Variants in OSBPL1A observed in about 807,000 individuals in gnomAD.
The protein encoded by OSBPL1A is oxysterol binding protein like 1A.
OSBPL1A carries 80 observed loss-of-function variants against 137.1 expected under a neutral mutation model. That is an observed-to-expected ratio of 0.58 (90% CI 0.49 to 0.70). The LOEUF (loss-of-function observed/expected upper bound fraction) is 0.70. OSBPL1A is among the 30% of genes least tolerant of loss of function. The pLI is 0.00. For missense variants in OSBPL1A, 970 were observed against 1,129.4 expected, an observed-to-expected ratio of 0.86 and a Z score of 2.02; for synonymous variants, 365 against 389.7, an observed-to-expected ratio of 0.94 and a Z score of 0.75.
chr18:24,240,446 C>T (rs2088656698), intron 15 of OSBPL1A, among the ~76,000 whole-genome samples: 2 of 152,144 alleles, frequency 1.3e-5, no homozygotes, highest in South Asian at 4.1e-4. Context: ...TATAAAATAG[C>T]ATGTACTGGA....
rs2091711345 is a variant in OSBPL1A, at chr18:24,366,945, A to G, written c.229T>C (p.Leu77=). The G allele has an allele frequency of 6.2e-7, 1 of 1,612,824 alleles. No homozygotes were observed. The highest frequency in any genetic ancestry group is 8.5e-7 in the Non-Finnish European group (1 of 1,179,398). The change falls in exon 4 of 28, where the codon TTG becomes CTG. Residue 77 remains leucine (L), a synonymous_variant. Transcript: ENST00000319481. ...LLKAGAEVNV[L]NDMGDTPLHR... ...AGCGGCGTGTCTCCCATGTCATTCAACACATTCACTTCTGCACCAGCCTAG... is the reference window on the plus strand; with the variant it reads ...AGCGGCGTGTCTCCCATGTCATTCAGCACATTCACTTCTGCACCAGCCTAG...
At chr18:24,192,545 A>G (rs997847151) in intron 18 of OSBPL1A, among the ~76,000 whole-genome samples, 6 of 152,230 alleles carry the variant, frequency 3.9e-5, no homozygotes, top group African/African-American at 1.4e-4. Flanking sequence ...ATCCTGCTCA[A>G]AACAGACTGG....
chr18:24,339,681 T>TGAGGTA (rs2146152486), intron 5 of OSBPL1A, among the ~76,000 whole-genome samples: 1 of 152,358 alleles, frequency 6.6e-6, no homozygotes, highest in Non-Finnish European at 1.5e-5. Context: ...AGACAGTACC[T>TGAGGTA]CATCCTCCCT....
chr18:24,308,014 G>A (rs1189497525), intron 13 of OSBPL1A, among the ~76,000 whole-genome samples: 1 of 151,966 alleles, frequency 6.6e-6, no homozygotes. Context: ...TCGAACTCCT[G>A]GCCTCATGTG....
intron 15 of OSBPL1A, among the ~76,000 whole-genome samples, chr18:24,261,901 C>T (rs2089453222): frequency 6.6e-6 from 1 of 152,132 alleles, no homozygotes; most frequent in South Asian, 2.1e-4. Flanking sequence ...AAGAAAAATA[C>T]TCACTCTGAT....
intron 1 of OSBPL1A, among the ~76,000 whole-genome samples, chr18:24,394,570 C>A (rs1345219702): frequency 6.6e-6 from 1 of 152,114 alleles, no homozygotes; most frequent in Non-Finnish European, 1.5e-5. Context: ...TAATAAAAAT[C>A]CTAGCAAGGA....
intron 1 of OSBPL1A, among the ~76,000 whole-genome samples, chr18:24,392,471 A>G (rs1262427794): frequency 6.6e-6 from 1 of 152,144 alleles, no homozygotes; most frequent in South Asian, 2.1e-4. Context: ...ATACTCTAAT[A>G]AAGACAAAGG....
At chr18:24,289,424 T>TG (rs2090135275) in intron 14 of OSBPL1A, among the ~76,000 whole-genome samples, 1 of 143,638 alleles carries the variant, frequency 7.0e-6, no homozygotes, top group Admixed American at 6.9e-5. Flanking sequence ...TCCTGTTTTT[T>TG]TTTTTTTTTT....
chr18:24,229,451 C>T (rs1376030837), intron 16 of OSBPL1A, among the ~76,000 whole-genome samples: 1 of 152,192 alleles, frequency 6.6e-6, no homozygotes, highest in African/African-American at 2.4e-5. Flanking sequence ...GGAATGTATA[C>T]TGTGTGAAAT....
chr18:24,241,599 T>C (rs544883959), intron 15 of OSBPL1A, among the ~76,000 whole-genome samples: 22 of 152,314 alleles, frequency 1.4e-4, no homozygotes, highest in Admixed American at 6.5e-4. Flanking sequence ...CCAGTTAGAA[T>C]GGCGATTATT....
intron 18 of OSBPL1A, among the ~76,000 whole-genome samples, chr18:24,188,279 G>T (rs1374566775): frequency 1.3e-5 from 2 of 152,154 alleles, no homozygotes; most frequent in Non-Finnish European, 2.9e-5. Flanking sequence ...TCCACATCCA[G>T]CTCCGTGGGA....
intron 14 of OSBPL1A, among the ~76,000 whole-genome samples, chr18:24,296,243 C>T (rs963211166): frequency 1.3e-4 from 20 of 151,976 alleles, no homozygotes; most frequent in African/African-American, 4.6e-4. Context: ...CACATTCCTA[C>T]ATATTTTATT....
chr18:24,230,346 T>C (rs895392699), intron 16 of OSBPL1A, among the ~76,000 whole-genome samples: 3 of 152,136 alleles, frequency 2.0e-5, no homozygotes, highest in South Asian at 2.1e-4. Flanking sequence ...GATGGTTGCA[T>C]AGGAAAGTAA....
Position 24,179,843 on chromosome 18 carries a change from A to G in OSBPL1A, c.1813-8T>C, listed in dbSNP as rs1268887485. On this transcript the variant is annotated splice_region_variant and splice_polypyrimidine_tract_variant and intron_variant, in intron 19 of 27. Coordinates refer to ENST00000319481, the MANE Select transcript of OSBPL1A (RefSeq NM_080597.4). ...AGCAAACGCAGCTACACACTGTGGG[A>G]CAGAGCATGAGAACAAGTCAAAAAT... 6.2e-7 allele frequency: 1 copy of G among 1,612,294 alleles called. No individual in the cohort carries two copies. Among genetic ancestry groups the G allele is most frequent in the Non-Finnish European group, 8.5e-7 (1 of 1,178,436 alleles).
intron 17 of OSBPL1A, among the ~76,000 whole-genome samples, chr18:24,221,458 T>C (rs1169961110): frequency 2.6e-5 from 4 of 152,220 alleles, no homozygotes; most frequent in African/African-American, 9.6e-5. Flanking sequence ...GCTAATCAAG[T>C]GCAAGTAATT....
chr18:24,183,090 C>G (rs983029998), intron 18 of OSBPL1A, among the ~76,000 whole-genome samples: 2 of 151,686 alleles, frequency 1.3e-5, no homozygotes, highest in Admixed American at 1.3e-4. Context: ...AGGCTGGTCT[C>G]GAACTCCTGA....
chr18:24,321,223 GGT>G (rs1443529968), intron 7 of OSBPL1A, among the ~76,000 whole-genome samples: 6 of 151,990 alleles, frequency 3.9e-5, no homozygotes, highest in Non-Finnish European at 7.4e-5. Context: ...CAAATTCAAT[GGT>G]TTTTATAGGT....
At chr18:24,303,027 G>A (rs1599639354) in intron 14 of OSBPL1A, among the ~76,000 whole-genome samples, 1 of 151,948 alleles carries the variant, frequency 6.6e-6, no homozygotes, top group East Asian at 1.9e-4. Context: ...GAGAGACAGA[G>A]TCTTGCTCTG....
At position 24,222,924 on chromosome 18, in the gene OSBPL1A, T is replaced by C. The variant is rs148964159; in HGVS notation, c.1601+2118A>G. 4.1e-4 allele frequency among the ~76,000 whole-genome samples: 63 copies of C among 152,196 alleles called. No homozygotes were observed. In the East Asian group the frequency reaches 9.1e-3, roughly 22 times the overall value. On this transcript the variant is annotated intron_variant, in intron 17 of 27. Transcript: ENST00000319481. ...GGGTGAGGGAGAAATGCAAGGTTCC[T>C]ATGGGAAAGTTAAATAAATCATAAG...
Sources: allele counts gnomAD v4.1 joint callset (sites outside exome capture counted in the v4.1 genomes callset), GRCh38; gene constraint gnomAD v4.1.1; transcripts MANE v1.5; gene names NCBI Gene and HGNC (gene_info 2026-07-23, HGNC 2026-07-21).